The following CCDC170 variants were observed in gnomAD, a reference collection of about 807,000 sequenced individuals.
CCDC170 encodes coiled-coil domain-containing protein 170.
In CCDC170, 69 loss-of-function variants were observed where a neutral mutation model predicts 72.6. The observed-to-expected ratio is 0.95, with a 90% CI of 0.78 to 1.16. CCDC170 has a LOEUF of 1.16. Ranked by LOEUF, CCDC170 falls within the 50% of genes most tolerant of loss-of-function variation. The pLI is 0.00. For missense variants in CCDC170, 852 were observed against 832.5 expected, an observed-to-expected ratio of 1.02 and a Z score of -0.29; for synonymous variants, 300 against 303.9, an observed-to-expected ratio of 0.99 and a Z score of 0.13.
intron 5 of CCDC170, among the ~76,000 whole-genome samples, chr6:151,553,855 T>A (rs137882552): frequency 6.6e-6 from 1 of 152,304 alleles, no homozygotes; most frequent in East Asian, 1.9e-4. Context: ...TACTGACACA[T>A]TAACAGACTC....
chr6:151,508,958 T>C (rs1782102639), intron 1 of CCDC170, among the ~76,000 whole-genome samples: 1 of 145,436 alleles, frequency 6.9e-6, no homozygotes, highest in Admixed American at 7.2e-5. Flanking sequence ...GAGGTTGTGG[T>C]GGGGCGAGAT....
chr6:151,615,254 T>C (rs1562300949), intron 9 of CCDC170, among the ~76,000 whole-genome samples, 189 bp from the exon 10 acceptor site: 1 of 152,250 alleles, frequency 6.6e-6, no homozygotes, highest in Non-Finnish European at 1.5e-5. Flanking sequence ...TGTTTTTAGC[T>C]GTAACTGTCT....
At chr6:151,554,862 T>C (rs1782947299) in intron 5 of CCDC170, among the ~76,000 whole-genome samples, 1 of 149,538 alleles carries the variant, frequency 6.7e-6, no homozygotes, top group South Asian at 2.1e-4. Flanking sequence ...CTTGATCTTT[T>C]TGGACCTCAG....
intron 1 of CCDC170, among the ~76,000 whole-genome samples, chr6:151,498,958 C>G (rs574664770): frequency 6.6e-6 from 1 of 150,920 alleles, no homozygotes; most frequent in African/African-American, 2.4e-5. Context: ...TGGAATCAGA[C>G]TGTATTTGAC....
chr6:151,617,973 G>C lies in CCDC170; in HGVS notation c.1974G>C (p.Ser658=). Residue 658 remains serine (S), a synonymous_variant, in exon 11 of 11, where the codon TCG becomes TCC. Coordinates refer to ENST00000239374, the MANE Select transcript of CCDC170 (RefSeq NM_025059.4). The part of the protein sequence containing the change: ...KQLADFREVV[S]QMLGLNVTSL... ...TGGCAGACTTCAGGGAGGTGGTGTC[G>C]CAGATGCTAGGCTTGAACGTGACCA... 6.2e-7 allele frequency: 1 copy of C among 1,613,734 alleles called. No individual in the cohort carries two copies. The highest frequency in any genetic ancestry group is 1.1e-5 in the South Asian group (1 of 91,042).
At chr6:151,573,635 T>G in intron 6 of CCDC170, 144 bp downstream of exon 6, 1 of 854,168 alleles carries the variant, frequency 1.2e-6, no homozygotes, top group Non-Finnish European at 1.8e-6. Context: ...AGAGGTTTAA[T>G]GGATTCACAG....
rs1001291949 is a variant in CCDC170, at chr6:151,552,409, G to A, written c.774+3920G>A. ...TTACCTAGTGATGTTAGCATACGCC[G>A]ATTCTTGTCTGGATTAACTATTACA... is the stretch of plus-strand genomic sequence containing the variant. On this transcript the variant is annotated intron_variant, in intron 5 of 10. Transcript: ENST00000239374. Among the ~76,000 whole-genome samples the A allele has an allele frequency of 5.9e-5, 9 of 152,138 alleles. No homozygotes were observed. The Middle Eastern group carries it at 0.01, about 172-fold the overall frequency.
intron 9 of CCDC170, among the ~76,000 whole-genome samples, chr6:151,608,817 A>G (rs540931885): frequency 2.0e-5 from 3 of 152,302 alleles, no homozygotes; most frequent in African/African-American, 7.2e-5. Flanking sequence ...AGTCTCAGGA[A>G]GTGAGTTTGC....
intron 5 of CCDC170, among the ~76,000 whole-genome samples, chr6:151,566,015 G>A (rs958283): frequency 0.15 from 23,281 of 152,196 alleles, 2,210 homozygotes; most frequent in East Asian, 0.46. Context: ...CAGAGTGTCT[G>A]CAGGGCTGTA....
chr6:151,609,854 C>A (rs548161423), intron 9 of CCDC170, among the ~76,000 whole-genome samples: 1 of 152,290 alleles, frequency 6.6e-6, no homozygotes, highest in Admixed American at 6.5e-5. Context: ...TGAGGCAGCC[C>A]TGAGGATTCT....
chr6:151,551,819 C>T (rs1054384009), intron 5 of CCDC170, among the ~76,000 whole-genome samples: 5 of 152,100 alleles, frequency 3.3e-5, no homozygotes, highest in Non-Finnish European at 5.9e-5. Flanking sequence ...CCAGCAAAGT[C>T]GTGCTGAGAT....
chr6:151,521,881 G>A (rs1233120548), intron 1 of CCDC170, among the ~76,000 whole-genome samples: 2 of 151,674 alleles, frequency 1.3e-5, no homozygotes, highest in African/African-American at 2.4e-5. Flanking sequence ...AGCTACTCAG[G>A]AGGCTGAGGC....
Position 151,618,165 on chromosome 6 carries a change from A to G in CCDC170, c.*18A>G. 6.2e-7 allele frequency: 1 copy of G among 1,602,896 alleles called. No individual in the cohort carries two copies. Among genetic ancestry groups the G allele is most frequent in the Non-Finnish European group, 8.5e-7 (1 of 1,171,336 alleles). On this transcript the variant is annotated 3_prime_UTR_variant, in exon 11 of 11. Coordinates refer to ENST00000239374, the MANE Select transcript of CCDC170 (RefSeq NM_025059.4). ...TTCATTGAACACTGTATCTCTTGAG[A>G]GAGGTGGCCATAAGACATGGCACAC...
At chr6:151,567,154 G>T (rs920337667) in intron 5 of CCDC170, among the ~76,000 whole-genome samples, 1 of 152,060 alleles carries the variant, frequency 6.6e-6, no homozygotes, top group Non-Finnish European at 1.5e-5. Context: ...CCGGACCTCA[G>T]GTGATCAGCC....
chr6:151,554,238 G>A (rs12206813), intron 5 of CCDC170, among the ~76,000 whole-genome samples: 20,408 of 152,212 alleles, frequency 0.13, 1,600 homozygotes, highest in East Asian at 0.27. Flanking sequence ...GCCTGGGCAA[G>A]CCACACACCC....
At chr6:151,511,990 G>A (rs1437771027) in intron 1 of CCDC170, among the ~76,000 whole-genome samples, 3 of 151,422 alleles carry the variant, frequency 2.0e-5, no homozygotes, top group Non-Finnish European at 4.4e-5. Flanking sequence ...GGGACCATAG[G>A]GACACTACCA....
intron 7 of CCDC170, among the ~76,000 whole-genome samples, chr6:151,589,959 C>A (rs1776509516): frequency 6.6e-6 from 1 of 152,128 alleles, no homozygotes; most frequent in Non-Finnish European, 1.5e-5. Context: ...GACATCCATG[C>A]AGATTTGTAG....
At chr6:151,563,039 C>T (rs1583027785) in intron 5 of CCDC170, among the ~76,000 whole-genome samples, 1 of 152,192 alleles carries the variant, frequency 6.6e-6, no homozygotes, top group South Asian at 2.1e-4. Context: ...TGATGACTAC[C>T]ACCAAAATGG....
At chr6:151,525,829 A>G (rs1782396997) in intron 1 of CCDC170, among the ~76,000 whole-genome samples, 1 of 152,224 alleles carries the variant, frequency 6.6e-6, no homozygotes, top group Non-Finnish European at 1.5e-5. Context: ...ATATAAAATT[A>G]GAAGTAGGAC....
Sources: allele counts gnomAD v4.1 joint callset (sites outside exome capture counted in the v4.1 genomes callset), GRCh38; gene constraint gnomAD v4.1.1; transcripts MANE v1.5; gene names NCBI Gene and HGNC (gene_info 2026-07-23, HGNC 2026-07-21).